The following ACBD4 variants were observed in gnomAD, a reference collection of about 807,000 sequenced individuals.
The protein encoded by ACBD4 is acyl-CoA-binding domain-containing protein 4.
A neutral mutation model predicts 46.0 loss-of-function variants in ACBD4; 41 were observed. The observed-to-expected ratio is 0.89, with a 90% CI of 0.69 to 1.16. ACBD4 has a LOEUF of 1.16. Ranked by LOEUF, ACBD4 falls within the 50% of genes most tolerant of loss-of-function variation. The pLI, the probability that ACBD4 is intolerant of heterozygous loss-of-function variation, is 0.00. For missense variants in ACBD4, 393 were observed against 399.5 expected (o/e 0.98, Z 0.14); for synonymous variants, 162 against 155.9 (o/e 1.04, Z -0.29).
chr17:45,135,818 C>T lies in ACBD4; in HGVS notation c.-173C>T. On this transcript the variant is annotated 5_prime_UTR_variant, in exon 1 of 10. Transcript: ENST00000321854. The stretch of plus-strand genomic sequence containing the variant: ...TTCGCCCCGCCCTGAGTACTCCTAT[C>T]TTGTTTCTCCACCTGTTCGGGAGTT... 3.5e-6 allele frequency: 1 copy of T among 288,226 alleles called. No individual in the cohort carries two copies. The highest frequency in any genetic ancestry group is 6.8e-6 in the Non-Finnish European group (1 of 147,002). The allele number at this position is 288,226 out of a possible 1,614,324, so 17.9% of individuals were successfully genotyped here. A position where few individuals can be genotyped will look rare whatever the true frequency, so the allele number is the denominator to read the frequency against.
rs1356503139 is a variant in ACBD4 at position 45,139,142 on chromosome 17, G to C, written c.771G>C (p.Met257Ile). 6.2e-7 allele frequency: 1 copy of C among 1,613,650 alleles called. No individual in the cohort carries two copies. Among genetic ancestry groups the C allele is most frequent in the East Asian group, 2.2e-5 (1 of 44,886 alleles). The change falls in exon 9 of 10, where the codon ATG becomes ATC. Residue 257 changes from methionine to isoleucine, a missense_variant. Met to Ile is a conservative substitution (Grantham distance 10, BLOSUM62 1). Coordinates refer to ENST00000321854, the MANE Select transcript of ACBD4 (RefSeq NM_001135705.3). ...CGAGGGTGCAGAGCCTGGAGAGCAT[G>C]CCCCGGCCCCCTGAGCAGGTAGAGT... ...VQARVQSLES[M>I]PRPPEQRPQP...
chr17:45,137,576 G>A (rs1309399723), intron 6 of ACBD4, 122 bp downstream of exon 6: 1 of 1,377,898 alleles, frequency 7.3e-7, no homozygotes. Flanking sequence ...CCAAAGGTGG[G>A]GACCGGGGTC....
rs2055431671 is a variant in ACBD4, at chr17:45,143,634, G to A, written c.*63G>A. The A allele has an allele frequency of 6.2e-7, 1 of 1,612,036 alleles. No homozygotes were observed. Among genetic ancestry groups the A allele is most frequent in the Non-Finnish European group, 8.5e-7 (1 of 1,178,884 alleles). ...TCTTGCTGTGCCCTGAGCCTTCCTA[G>A]GGTTTAGAAGAACAGCATTCAAAAT... is the stretch of plus-strand genomic sequence containing the variant. On this transcript the variant is annotated 3_prime_UTR_variant, in exon 10 of 10. Coordinates refer to ENST00000321854, the MANE Select transcript of ACBD4 (RefSeq NM_001135705.3).
At position 45,143,836 on chromosome 17, in the gene ACBD4, G is replaced by A. The variant is rs904864822; in HGVS notation, c.*265G>A. 7.4e-6 allele frequency: 4 copies of A among 543,996 alleles called. No homozygotes were observed. In the Admixed American group the frequency reaches 1.0e-4, roughly 14 times the overall value. The allele number at this position is 543,996 out of a possible 1,614,324, so 33.7% of individuals were successfully genotyped here. A position where few individuals can be genotyped will look rare whatever the true frequency, so the allele number is the denominator to read the frequency against. ...ACACGTCCCCGGTGCTGGGTTGGCC[G>A]TGACTCGGGGGCGGGGCGATCGGGT... On this transcript the variant is annotated 3_prime_UTR_variant, in exon 10 of 10. Coordinates refer to ENST00000321854, the MANE Select transcript of ACBD4 (RefSeq NM_001135705.3).
At chr17:45,142,554 C>CTT (rs531814036) in intron 9 of ACBD4, 302 of 170,822 alleles carry the variant, frequency 1.8e-3, no homozygotes, top group South Asian at 5.8e-3. Context: ...CACAGTAATT[C>CTT]TTTTTTTTTT....
At chr17:45,132,321 G>T, upstream of ACBD4, 1 of 1,242,328 alleles carries the variant, frequency 8.0e-7, no homozygotes, top group East Asian at 3.1e-5. The surrounding 1 kb of genome is among the most constrained non-coding windows in gnomAD (Gnocchi z 4.6). Flanking sequence ...ACGGGAGAGC[G>T]ACCGGCGCCG....
intron 4 of ACBD4, 104 bp downstream of exon 4, chr17:45,136,880 A>T (rs1435398571): frequency 6.3e-7 from 1 of 1,579,676 alleles, no homozygotes; most frequent in Non-Finnish European, 8.7e-7. Context: ...CCTCATGGGA[A>T]TCACCACCTT....
rs901754 is a variant in ACBD4 at position 45,137,077 on chromosome 17, C to T, written c.353C>T (p.Pro118Leu). The part of the protein sequence containing the change: ...VAEDMFGYFE[P>L]LYQVIPDMPR... The stretch of plus-strand genomic sequence containing the variant: ...GAGGACATGTTTGGTTACTTCGAGC[C>T]CCTGTACCAGGTGATCCCTGACATG... Residue 118 changes from proline (P) to leucine (L), a missense_variant, in exon 5 of 10, where the codon CCC becomes CTC. Pro to Leu is a moderately conservative substitution (Grantham distance 98). This residue lies in a region of ACBD4 where 308 missense variants were observed against 301.8 expected (regional missense o/e 1.02). Coordinates refer to ENST00000321854, the MANE Select transcript of ACBD4 (RefSeq NM_001135705.3). 3.2e-4 allele frequency: 523 copies of T among 1,614,144 alleles called. 1 individual carries two copies. In the African/African-American group the frequency reaches 6.2e-3, roughly 19 times the overall value.
intron 9 of ACBD4, chr17:45,143,087 A>G (rs2055396903): frequency 1.1e-5 from 2 of 186,468 alleles, no homozygotes; most frequent in South Asian, 1.7e-4. Flanking sequence ...ATACTTGGAA[A>G]CTAAAATCTA....
At position 45,137,978 on chromosome 17, in the gene ACBD4, C is replaced by G. The variant is rs751965924; in HGVS notation, c.639C>G (p.Pro213=). 3 of 1,613,372 alleles carry G rather than the reference C, an allele frequency of 1.9e-6. No homozygotes were observed. Among genetic ancestry groups the G allele is most frequent in the African/African-American group, 1.3e-5 (1 of 74,916 alleles). Residue 213 remains proline (P), a synonymous_variant, in exon 8 of 10, where the codon CCC becomes CCG. Coordinates refer to ENST00000321854, the MANE Select transcript of ACBD4 (RefSeq NM_001135705.3). Reference sequence around the variant, plus strand: ...ATCCCAGGAACAGCCCCGTGCCCCCCACAAAGAAAGGTGAGCTCCTACCCA... The same window carrying G: ...ATCCCAGGAACAGCCCCGTGCCCCCGACAAAGAAAGGTGAGCTCCTACCCA... The part of the protein sequence containing the change: ...KRDPRNSPVP[P]TKKEGLRGSP...
At chr17:45,133,731 C>G (rs1240874637), upstream of ACBD4, among the ~76,000 whole-genome samples, 2 of 151,292 alleles carry the variant, frequency 1.3e-5, no homozygotes, top group Non-Finnish European at 2.9e-5. Context: ...CGGGGTTTCA[C>G]CGTTTTAGCC....
rs143988275 is a variant in ACBD4 at position 45,143,478 on chromosome 17, C to G, written c.825C>G (p.Pro275=). The G allele has an allele frequency of 1.3e-3, 2,033 of 1,613,166 alleles. 26 individuals are homozygous for G. In the African/African-American group the frequency reaches 0.023, roughly 18 times the overall value. ...PQPRPSARPW[P]LGLPGPALLF... ...CCAGGCCCAGTGCTCGGCCATGGCC[C>G]CTTGGGCTCCCGGGGCCCGCGCTGC... The change falls in exon 10 of 10, where the codon CCC becomes CCG. Residue 275 remains proline (P), a synonymous_variant. Coordinates refer to ENST00000321854, the MANE Select transcript of ACBD4 (RefSeq NM_001135705.3).
At chr17:45,141,048 TAAG>T (rs2055238223) in intron 9 of ACBD4, among the ~76,000 whole-genome samples, 1 of 152,206 alleles carries the variant, frequency 6.6e-6, no homozygotes, top group Admixed American at 6.5e-5. Context: ...TCTCTCAAAA[TAAG>T]AACATTCTAC....
Position 45,143,501 on chromosome 17 carries a change from T to C in ACBD4, c.848T>C (p.Leu283Pro). The change falls in exon 10 of 10, where the codon CTG (leucine) becomes CCG (proline). Residue 283 changes from leucine to proline, a missense_variant. This residue lies in a region of ACBD4 where 308 missense variants were observed against 301.8 expected (regional missense o/e 1.02). Coordinates refer to ENST00000321854, the MANE Select transcript of ACBD4 (RefSeq NM_001135705.3). Reference sequence around the variant, plus strand: ...CCCCTTGGGCTCCCGGGGCCCGCGCTGCTCTTCTTCCTCCTGTGGCCCTTC... The same window carrying C: ...CCCCTTGGGCTCCCGGGGCCCGCGCCGCTCTTCTTCCTCCTGTGGCCCTTC... ...PWPLGLPGPA[L>P]LFFLLWPFVV... The C allele has an allele frequency of 6.2e-7, 1 of 1,613,868 alleles. No homozygotes were observed. Among genetic ancestry groups the C allele is most frequent in the Non-Finnish European group, 8.5e-7 (1 of 1,179,990 alleles).
chr17:45,137,494 G>A (rs2143802467), intron 6 of ACBD4, 40 bp downstream of exon 6: 2 of 1,605,356 alleles, frequency 1.2e-6, no homozygotes, highest in East Asian at 4.5e-5. Context: ...AACTCAGGCT[G>A]GGGGAGGGCT....
chr17:45,139,169 C>T lies in ACBD4; in HGVS notation c.789+9C>T. The T allele has an allele frequency of 1.2e-6, 2 of 1,612,940 alleles. No homozygotes were observed. Among genetic ancestry groups the T allele is most frequent in the East Asian group, 4.5e-5 (2 of 44,876 alleles). On this transcript the variant is annotated intron_variant, in intron 9 of 9. Coordinates refer to ENST00000321854, the MANE Select transcript of ACBD4 (RefSeq NM_001135705.3). ...CCCGGCCCCCTGAGCAGGTAGAGTC[C>T]CCCACCCCATAGGACAAGATGATGG... is the stretch of plus-strand genomic sequence containing the variant.
chr17:45,137,855 T>A, intron 7 of ACBD4, 25 bp downstream of exon 7: 1 of 1,608,182 alleles, frequency 6.2e-7, no homozygotes, highest in Non-Finnish European at 8.5e-7. Context: ...CATTCCCCCC[T>A]TTTCCCACCC....
rs1270375338 is a variant in ACBD4, at chr17:45,137,444, C to T, written c.492C>T (p.Pro164=). The T allele has an allele frequency of 1.9e-6, 3 of 1,613,990 alleles. No homozygotes were observed. The highest frequency in any genetic ancestry group is 2.7e-5 in the African/African-American group (2 of 74,906). The part of the protein sequence containing the change: ...EPPCLPKEPA[P]PSPESHSPRD... The stretch of plus-strand genomic sequence containing the variant: ...CCTGCCTCCCCAAGGAACCGGCACC[C>T]CCAAGCCCAGGTTAGTGCTTGAGCA... The change falls in exon 6 of 10, where the codon CCC becomes CCT. Residue 164 remains proline (P), a synonymous_variant. Coordinates refer to ENST00000321854, the MANE Select transcript of ACBD4 (RefSeq NM_001135705.3).
chr17:45,132,227 C>A (rs2054469054), upstream of ACBD4: 1 of 1,260,262 alleles, frequency 7.9e-7, no homozygotes, highest in East Asian at 3.0e-5. The surrounding 1 kb of genome is among the most constrained non-coding windows in gnomAD (Gnocchi z 4.6). Flanking sequence ...CCCACCCCAC[C>A]GCCCCTTGCC....
Sources: allele counts gnomAD v4.1 joint callset (sites outside exome capture counted in the v4.1 genomes callset), GRCh38; gene constraint gnomAD v4.1.1; regional missense constraint gnomAD v4.1.1; non-coding constraint Gnocchi (gnomAD v3.1); transcripts MANE v1.5; gene names NCBI Gene and HGNC (gene_info 2026-07-23, HGNC 2026-07-21).